Variants in DNAJA1 observed in about 807,000 individuals in gnomAD.
DNAJA1 encodes the protein dnaJ homolog subfamily A member 1.
A neutral mutation model predicts 47.6 loss-of-function variants in DNAJA1; 26 were observed. The ratio of observed to expected loss-of-function variants is 0.55; its 90% CI spans 0.40 to 0.76. DNAJA1 has a LOEUF of 0.76. Among genes scored for constraint, DNAJA1 ranks in the 30% least tolerant of loss-of-function variants. The probability of loss-of-function intolerance (pLI) is 0.00; values close to 1 mark genes in which losing one functional copy is unlikely to be tolerated. For missense variants in DNAJA1, 315 were observed against 485.0 expected (o/e 0.65, Z 3.29); for synonymous variants, 165 against 158.4 (o/e 1.04, Z -0.31).
intron 3 of DNAJA1, among the ~76,000 whole-genome samples, chr9:33,028,235 C>T (rs2119378867): frequency 6.6e-6 from 1 of 152,232 alleles, no homozygotes; most frequent in Non-Finnish European, 1.5e-5. Flanking sequence ...GGGCTGAAAA[C>T]TGGTTCGTTG....
chr9:33,027,645 G>C (rs892434838), intron 3 of DNAJA1, among the ~76,000 whole-genome samples: 19 of 151,788 alleles, frequency 1.3e-4, no homozygotes, highest in African/African-American at 4.1e-4. Context: ...CTGAGGTCAG[G>C]GTTCGAGACC....
intron 8 of DNAJA1, among the ~76,000 whole-genome samples, chr9:33,037,753 G>C (rs978462467): frequency 6.6e-6 from 1 of 152,142 alleles, no homozygotes; most frequent in Non-Finnish European, 1.5e-5. Context: ...AACAAGTTGA[G>C]GATGGGGTTT....
chr9:33,027,699 A>G (rs1443071342), intron 3 of DNAJA1, among the ~76,000 whole-genome samples: 2 of 151,912 alleles, frequency 1.3e-5, no homozygotes, highest in African/African-American at 2.4e-5. Context: ...AAAACTACAG[A>G]ATTAGCTGGG....
intron 8 of DNAJA1, among the ~76,000 whole-genome samples, chr9:33,038,154 G>A (rs1191277250): frequency 1.3e-5 from 2 of 152,042 alleles, no homozygotes; most frequent in South Asian, 2.1e-4. Flanking sequence ...ACAGGTGCCC[G>A]CCACCACGCT....
intron 3 of DNAJA1, among the ~76,000 whole-genome samples, chr9:33,029,355 T>C (rs931216767): frequency 6.6e-6 from 1 of 152,208 alleles, no homozygotes; most frequent in African/African-American, 2.4e-5. Flanking sequence ...TGGGCTGTTT[T>C]CTACTAAATC....
chr9:33,039,076 C>G lies in DNAJA1; in HGVS notation c.*173C>G. ...GCAAATATAAAAGCTCTGATTTTGC[C>G]CTGTATGTATGATGACTTCAGTGTG... On this transcript the variant is annotated 3_prime_UTR_variant, in exon 9 of 9. Coordinates refer to ENST00000330899, the MANE Select transcript of DNAJA1 (RefSeq NM_001539.4). 2 of 661,248 alleles carry G rather than the reference C, an allele frequency of 3.0e-6. No homozygotes were observed. The highest frequency in any genetic ancestry group is 5.0e-6 in the Non-Finnish European group (2 of 396,870). The allele number at this position is 661,248 out of a possible 1,614,324, so 41.0% of individuals were successfully genotyped here.
At chr9:33,027,917 A>G (rs895496927) in intron 3 of DNAJA1, among the ~76,000 whole-genome samples, 1 of 150,662 alleles carries the variant, frequency 6.6e-6, no homozygotes, top group Admixed American at 6.6e-5. Flanking sequence ...CCAGTTACTC[A>G]GGAGGGCTGA....
Position 33,026,992 on chromosome 9 carries a change from TAAG to T in DNAJA1, c.310+8_310+10del. 1 of 1,613,992 alleles carries T rather than the reference TAAG, an allele frequency of 6.2e-7. No individual in the cohort carries two copies. The highest frequency in any genetic ancestry group is 1.1e-5 in the South Asian group (1 of 91,064). On this transcript the variant is annotated splice_donor_5th_base_variant and intron_variant, in intron 3 of 8. Transcript: ENST00000330899. ...GAAGGATGCAGAGAGAAAGGAGAGG[TAAG>T]AAGAATCTAGTCTTTGTGCAGCTAA... is the stretch of plus-strand genomic sequence containing the variant.
chr9:33,034,089 A>G (rs1275971810), intron 5 of DNAJA1, 127 bp from the exon 6 acceptor site: 1 of 616,034 alleles, frequency 1.6e-6, no homozygotes, highest in Non-Finnish European at 2.7e-6. Flanking sequence ...GGACTGAACT[A>G]CTTAAGTGGG....
chr9:33,037,704 A>T (rs925546096), intron 8 of DNAJA1, among the ~76,000 whole-genome samples: 1 of 152,126 alleles, frequency 6.6e-6, no homozygotes, highest in Non-Finnish European at 1.5e-5. Flanking sequence ...AAGAAAATTT[A>T]CCTAATAACT....
chr9:33,034,447 G>A, intron 6 of DNAJA1, 117 bp downstream of exon 6: 1 of 729,248 alleles, frequency 1.4e-6, no homozygotes, highest in Non-Finnish European at 2.3e-6. Flanking sequence ...CTATTTCTCA[G>A]GAAGATTGTT....
At chr9:33,030,330 C>G (rs1207633421) in intron 4 of DNAJA1, 110 bp from the exon 5 acceptor site, 5 of 1,031,618 alleles carry the variant, frequency 4.8e-6, no homozygotes, top group South Asian at 1.7e-5. Context: ...AGCATTCCAT[C>G]AGGCTTCGAA....
chr9:33,029,491 G>A (rs1177264627), intron 3 of DNAJA1, among the ~76,000 whole-genome samples: 1 of 152,196 alleles, frequency 6.6e-6, no homozygotes. Flanking sequence ...TGGCCATGTT[G>A]CTCAATACGG....
chr9:33,026,435 C>G, intron 1 of DNAJA1, 40 bp from the exon 2 acceptor site: 1 of 1,574,560 alleles, frequency 6.4e-7, no homozygotes, highest in Non-Finnish European at 8.6e-7. Flanking sequence ...TTAAAAGCTA[C>G]CAGTTGAAAG....
At chr9:33,026,670 G>A (rs929577917) in intron 2 of DNAJA1, 54 bp downstream of exon 2, 3 of 1,574,246 alleles carry the variant, frequency 1.9e-6, no homozygotes, top group Non-Finnish European at 2.6e-6. Flanking sequence ...CAGACGTATA[G>A]TATTTCTATT....
chr9:33,025,565 A>C (rs1480420735), intron 1 of DNAJA1, among the ~76,000 whole-genome samples, 182 bp downstream of exon 1: 1 of 152,168 alleles, frequency 6.6e-6, no homozygotes, highest in Non-Finnish European at 1.5e-5. Flanking sequence ...CCCGGCACGC[A>C]CAGTGAATGG....
chr9:33,037,317 CA>C (rs869097293), intron 8 of DNAJA1: 10,065 of 158,936 alleles, frequency 0.063, 23 homozygotes, highest in East Asian at 0.11. Context: ...TTTAAAAAAA[CA>C]AAAAAAAAAA....
At chr9:33,031,954 C>G (rs1182751974) in intron 5 of DNAJA1, among the ~76,000 whole-genome samples, 1 of 152,124 alleles carries the variant, frequency 6.6e-6, no homozygotes. Flanking sequence ...CTCTTGTCAA[C>G]TTGCAAAAAC....
intron 3 of DNAJA1, among the ~76,000 whole-genome samples, chr9:33,027,681 A>G (rs997901635): frequency 2.0e-5 from 3 of 151,960 alleles, no homozygotes; most frequent in East Asian, 1.9e-4. Flanking sequence ...GTGAAACCCC[A>G]TCTCTACAAA....
Sources: gnomAD v4.1 joint callset for allele counts (sites outside exome capture counted in the v4.1 genomes callset) on GRCh38, gnomAD v4.1.1 for gene constraint, MANE v1.5 for transcripts, NCBI Gene and HGNC (gene_info 2026-07-23, HGNC 2026-07-21) for gene names.